Variants in OGFR observed in about 807,000 individuals in gnomAD.
OGFR encodes opioid growth factor receptor.
Under a neutral mutation model 33.6 loss-of-function variants are expected in OGFR, and 18 were observed. The observed-to-expected ratio is 0.54, with a 90% confidence interval of 0.37 to 0.80. The LOEUF is 0.80. Among genes scored for constraint, OGFR ranks in the 30% least tolerant of loss-of-function variants. The probability of loss-of-function intolerance (pLI) is 0.00; values close to 1 mark genes in which losing one functional copy is unlikely to be tolerated. For missense variants in OGFR, 877 were observed against 955.8 expected, an observed-to-expected ratio of 0.92 and a Z score of 1.09; for synonymous variants, 370 against 400.7, an observed-to-expected ratio of 0.92 and a Z score of 0.91.
At chr20:62,808,101 C>T (rs1418175295) in intron 2 of OGFR, 146 bp from the exon 3 acceptor site, 1 of 742,764 alleles carries the variant, frequency 1.3e-6, no homozygotes, top group African/African-American at 1.7e-5. Context: ...GAATGGCCCC[C>T]ACCTGCAGAG....
chr20:62,807,715 C>G, intron 2 of OGFR, 110 bp downstream of exon 2: 1 of 1,149,300 alleles, frequency 8.7e-7, no homozygotes, highest in Admixed American at 2.0e-5. Context: ...TGTGCCAGGG[C>G]CACAGTTCTG....
chr20:62,808,871 A>G (rs1259036867), intron 3 of OGFR, among the ~76,000 whole-genome samples: 1 of 146,868 alleles, frequency 6.8e-6, no homozygotes, highest in Non-Finnish European at 1.5e-5. Context: ...GCTACTCAGG[A>G]GGCTGAGGCA....
intron 3 of OGFR, among the ~76,000 whole-genome samples, chr20:62,809,346 G>A (rs779765926): frequency 5.3e-5 from 8 of 152,220 alleles, no homozygotes; most frequent in Admixed American, 2.0e-4. Flanking sequence ...GGGGTTTGCC[G>A]CCAGCCAGCA....
At chr20:62,811,392 G>A (rs993035009) in intron 5 of OGFR, 70 bp from the exon 6 acceptor site, 11 of 1,562,510 alleles carry the variant, frequency 7.0e-6, no homozygotes, top group Admixed American at 5.5e-5. Flanking sequence ...CGGGACCCAC[G>A]GCCACCCCCA....
At position 62,812,190 on chromosome 20, in the gene OGFR, G is replaced by T. The variant is rs373175854; in HGVS notation, c.615-40G>T. On this transcript the variant is annotated intron_variant, in intron 6 of 6. Transcript: ENST00000290291. ...GGCGGGGTGCGGCCCAGCAGGAGGG[G>T]CCCCAGCCATTGACCTCTCCTGACC... is the stretch of plus-strand genomic sequence containing the variant. The T allele has an allele frequency of 1.7e-5, 24 of 1,450,464 alleles. No homozygotes were observed. The African/African-American group carries it at 3.2e-4, about 19-fold the overall frequency. 89.8% of individuals were successfully genotyped at this position (1,450,464 alleles called of 1,614,324 possible).
chr20:62,813,103 T>C lies in OGFR; in HGVS notation c.1488T>C (p.Ser496=), dbSNP rs980570698. 3 of 1,578,720 alleles carry C rather than the reference T, an allele frequency of 1.9e-6. No individual in the cohort carries two copies. In the African/African-American group the frequency reaches 4.1e-5, roughly 21 times the overall value. The change falls in exon 7 of 7, where the codon AGT becomes AGC. Residue 496 remains serine, a synonymous_variant. Coordinates refer to ENST00000290291, the MANE Select transcript of OGFR (RefSeq NM_007346.4). ...CGGGGCACCCCAAGGCTGGACACAG[T>C]GAGAACGGGGTTGAGGAGGACACAG... ...APSGHPKAGH[S]ENGVEEDTEG...
Position 62,813,313 on chromosome 20 carries a change from G to A in OGFR, c.1698G>A (p.Pro566=), listed in dbSNP as rs6122314. Residue 566 remains proline, a synonymous_variant, in exon 7 of 7, where the codon CCG becomes CCA. Coordinates refer to ENST00000290291, the MANE Select transcript of OGFR (RefSeq NM_007346.4). The part of the protein sequence containing the change: ...ESPSETPGPR[P]AGPAGDEPAE... ...CATCGGAGACCCCAGGCCCCCGCCC[G>A]GCAGGACCTGCAGGGGACGAGCCAG... 0.12 allele frequency: 69,551 copies of A among 590,204 alleles called. 7,831 individuals are homozygous for A. The highest frequency in any genetic ancestry group is 0.35 in the African/African-American group (4,662 of 13,230). The allele number at this position is 590,204 out of a possible 1,614,324, so 36.6% of individuals were successfully genotyped here.
chr20:62,810,125 G>C (rs1230206695), intron 4 of OGFR, among the ~76,000 whole-genome samples: 1 of 152,240 alleles, frequency 6.6e-6, no homozygotes, highest in Non-Finnish European at 1.5e-5. Flanking sequence ...AGCTCGCTGG[G>C]CGTCCACAGG....
intron 6 of OGFR, among the ~76,000 whole-genome samples, chr20:62,811,904 G>A (rs1456113967): frequency 9.9e-5 from 15 of 152,206 alleles, no homozygotes; most frequent in Admixed American, 4.6e-4. Context: ...CTCACAGGGT[G>A]TTCGAGGCGC....
intron 1 of OGFR, 195 bp from the exon 2 acceptor site, chr20:62,807,342 C>A (rs1990618288): frequency 3.3e-6 from 2 of 613,914 alleles, no homozygotes; most frequent in African/African-American, 3.7e-5. Context: ...GGATGCGTTA[C>A]TGAGGCCCAA....
chr20:62,811,399 C>T, intron 5 of OGFR, 63 bp from the exon 6 acceptor site: 1 of 1,581,512 alleles, frequency 6.3e-7, no homozygotes, highest in Non-Finnish European at 8.6e-7. Flanking sequence ...CACGGCCACC[C>T]CCACACTCAG....
intron 2 of OGFR, chr20:62,808,018 C>T: frequency 1.6e-6 from 1 of 616,358 alleles, no homozygotes; most frequent in Non-Finnish European, 2.9e-6. Flanking sequence ...GAGGAGGGGA[C>T]CTGCCAGGCC....
intron 2 of OGFR, 190 bp downstream of exon 2, chr20:62,807,795 C>T (rs372362488): frequency 6.4e-6 from 4 of 626,734 alleles, no homozygotes; most frequent in East Asian, 2.7e-5. Context: ...CGCGGGAGAC[C>T]GGGGGCATCC....
At position 62,812,798 on chromosome 20, in the gene OGFR, C is replaced by T; in HGVS notation, c.1183C>T (p.Pro395Ser). Residue 395 changes from proline to serine, a missense_variant, in exon 7 of 7, where the codon CCG becomes TCG. Coordinates refer to ENST00000290291, the MANE Select transcript of OGFR (RefSeq NM_007346.4). Reference protein sequence around the residue: ...RKLELSRREQPPTEPGPQSAS... With the variant: ...RKLELSRREQSPTEPGPQSAS... ...GCTGGAGCTGAGCCGGCGGGAGCAG[C>T]CGCCCACAGAGCCAGGCCCTCAGAG... 6.2e-7 allele frequency: 1 copy of T among 1,612,568 alleles called. No homozygotes were observed. Among genetic ancestry groups the T allele is most frequent in the Non-Finnish European group, 8.5e-7 (1 of 1,179,826 alleles).
intron 1 of OGFR, chr20:62,806,162 G>C (rs1470808121): frequency 1.3e-5 from 2 of 152,334 alleles, no homozygotes; most frequent in Non-Finnish European, 2.9e-5. Context: ...AACTGACCCA[G>C]GGAGGCTCCC....
rs533856077 is a variant in OGFR at position 62,810,658 on chromosome 20, C to T, written c.465+93C>T. 569 of 1,182,354 alleles carry T rather than the reference C, an allele frequency of 4.8e-4. 5 individuals are homozygous for T. In the South Asian group the frequency reaches 6.8e-3, roughly 14 times the overall value. 73.2% of individuals were successfully genotyped at this position (1,182,354 alleles called of 1,614,324 possible). A position where few individuals can be genotyped will look rare whatever the true frequency, so the allele number is the denominator to read the frequency against. On this transcript the variant is annotated intron_variant, in intron 5 of 6. Transcript: ENST00000290291. ...AGACGGGGTCGCCTCTGGCAGTAGG[C>T]ATTTGGTGCCCCCTCAGGGGTCCCT... is the stretch of plus-strand genomic sequence containing the variant.
chr20:62,809,199 T>TGG (rs1452956640), intron 3 of OGFR, among the ~76,000 whole-genome samples: 2 of 152,138 alleles, frequency 1.3e-5, no homozygotes, highest in Admixed American at 6.5e-5. Context: ...TGGGTTCAGC[T>TGG]GGGGGCTGTG....
Position 62,812,323 on chromosome 20 carries a change from C to A in OGFR, c.708C>A (p.Phe236Leu), listed in dbSNP as rs1370969478. The change falls in exon 7 of 7, where the codon TTC becomes TTA. Residue 236 changes from phenylalanine (F) to leucine (L), a missense_variant. Physicochemically the swap from Phe to Leu is conservative, Grantham distance 22. This residue lies in a region of OGFR where 760 missense variants were observed against 736.0 expected (regional missense o/e 1.03). Coordinates refer to ENST00000290291, the MANE Select transcript of OGFR (RefSeq NM_007346.4). Reference protein sequence around the residue: ...EHFQAPLVRFFLEETLVRREL... With the variant: ...EHFQAPLVRFLLEETLVRREL... ...TCCAGGCGCCGCTGGTCCGCTTCTT[C>A]CTGGAGGAGACGCTGGTGCGGCGGG... 1 of 1,564,318 alleles carries A rather than the reference C, an allele frequency of 6.4e-7. No individual in the cohort carries two copies. The highest frequency in any genetic ancestry group is 8.7e-7 in the Non-Finnish European group (1 of 1,154,870).
Position 62,807,524 on chromosome 20 carries a change from C to CT in OGFR, c.172-9dup. On this transcript the variant is annotated splice_polypyrimidine_tract_variant and intron_variant, in intron 1 of 6. Transcript: ENST00000290291. ...TCCCATGGGGGTCCTAATCCCATCT[C>CT]TTTTCTTCCCAGTCCAGAATGACAG... 1 of 1,611,884 alleles carries CT rather than the reference C, an allele frequency of 6.2e-7. No individual in the cohort carries two copies. Among genetic ancestry groups the CT allele is most frequent in the Non-Finnish European group, 8.5e-7 (1 of 1,179,298 alleles).
Sources: gnomAD v4.1 joint callset for allele counts (sites outside exome capture counted in the v4.1 genomes callset) on GRCh38, gnomAD v4.1.1 for gene constraint, gnomAD v4.1.1 regional missense constraint, MANE v1.5 for transcripts, NCBI Gene and HGNC (gene_info 2026-07-23, HGNC 2026-07-21) for gene names.